The following MPP7 variants were observed in gnomAD, a reference collection of about 807,000 sequenced individuals.
The protein encoded by MPP7 is MAGUK p55 subfamily member 7.
A neutral mutation model predicts 76.5 loss-of-function variants in MPP7; 60 were observed. The observed-to-expected ratio is 0.78, with a 90% CI of 0.64 to 0.97. MPP7 has a LOEUF of 0.97. MPP7 is among the 50% of genes least tolerant of loss of function. The pLI is 0.00. For missense variants in MPP7, 641 were observed against 694.0 expected, an observed-to-expected ratio of 0.92 and a Z score of 0.86; for synonymous variants, 237 against 244.5, an observed-to-expected ratio of 0.97 and a Z score of 0.29.
intron 2 of MPP7, among the ~76,000 whole-genome samples, chr10:28,226,613 A>C (rs1238536771): frequency 6.6e-6 from 1 of 152,204 alleles, no homozygotes; most frequent in Non-Finnish European, 1.5e-5. Flanking sequence ...GGAAGCAGAT[A>C]GTGGTGATGA....
chr10:28,136,350 G>A (rs944405432), intron 5 of MPP7, among the ~76,000 whole-genome samples: 1 of 152,014 alleles, frequency 6.6e-6, no homozygotes, highest in Non-Finnish European at 1.5e-5. Context: ...GTTGGAGAAG[G>A]TTGATCCAAA....
intron 5 of MPP7, among the ~76,000 whole-genome samples, chr10:28,146,655 T>G (rs901062330): frequency 6.6e-6 from 1 of 152,170 alleles, no homozygotes; most frequent in Non-Finnish European, 1.5e-5. Context: ...TCAAAAAAAG[T>G]AGAAACTAGT....
chr10:28,136,610 T>C (rs1196357437), intron 5 of MPP7, among the ~76,000 whole-genome samples: 1 of 152,136 alleles, frequency 6.6e-6, no homozygotes, highest in East Asian at 1.9e-4. Flanking sequence ...TTTAACTGTA[T>C]TTCAAATGCT....
intron 2 of MPP7, among the ~76,000 whole-genome samples, chr10:28,313,898 G>C (rs1043756568): frequency 8.4e-6 from 1 of 119,430 alleles, no homozygotes; most frequent in African/African-American, 3.3e-5. Context: ...TAGAGACAGG[G>C]TTTTGCCATG....
At chr10:28,109,689 C>A (rs1834434577) in intron 11 of MPP7, among the ~76,000 whole-genome samples, 1 of 151,364 alleles carries the variant, frequency 6.6e-6, no homozygotes, top group Non-Finnish European at 1.5e-5. Context: ...TCGAGGAAAG[C>A]AACAGAAAGA....
intron 3 of MPP7, among the ~76,000 whole-genome samples, chr10:28,186,220 C>T (rs2997209): frequency 0.48 from 73,581 of 151,766 alleles, 20,563 homozygotes; most frequent in Middle Eastern, 0.72. Context: ...GTGGCAGGCG[C>T]CTGTAGTCCC....
intron 12 of MPP7, among the ~76,000 whole-genome samples, chr10:28,079,573 G>A (rs535913929): frequency 2.6e-5 from 4 of 152,230 alleles, no homozygotes; most frequent in South Asian, 2.1e-4. Context: ...GCCTAGAAGC[G>A]CACCCAAAAC....
intron 13 of MPP7, among the ~76,000 whole-genome samples, chr10:28,060,986 C>A (rs1220880948): frequency 6.6e-6 from 1 of 152,154 alleles, no homozygotes; most frequent in Non-Finnish European, 1.5e-5. Flanking sequence ...CTAATCCTTG[C>A]ATCCTAACAG....
At chr10:28,189,216 G>A (rs922396218) in intron 3 of MPP7, among the ~76,000 whole-genome samples, 11 of 152,096 alleles carry the variant, frequency 7.2e-5, no homozygotes, top group African/African-American at 2.4e-4. Flanking sequence ...AGGGAATTGA[G>A]AATACTCTGT....
At chr10:28,066,038 C>T (rs930902470) in intron 13 of MPP7, among the ~76,000 whole-genome samples, 2 of 152,062 alleles carry the variant, frequency 1.3e-5, no homozygotes, top group Admixed American at 1.3e-4. Flanking sequence ...ACCTATACAG[C>T]CTTAAAACAA....
intron 2 of MPP7, among the ~76,000 whole-genome samples, chr10:28,210,825 G>A (rs1838107804): frequency 6.6e-6 from 1 of 152,150 alleles, no homozygotes; most frequent in South Asian, 2.1e-4. Context: ...CTCACTCTGT[G>A]AGCCGGTTCA....
At chr10:28,093,717 G>A (rs1264878341) in intron 11 of MPP7, among the ~76,000 whole-genome samples, 1 of 152,146 alleles carries the variant, frequency 6.6e-6, no homozygotes, top group Non-Finnish European at 1.5e-5. Flanking sequence ...AAAGTGCTGG[G>A]ATTACAGGCA....
At chr10:28,267,960 T>C (rs544873649) in intron 1 of MPP7, among the ~76,000 whole-genome samples, 2 of 151,764 alleles carry the variant, frequency 1.3e-5, no homozygotes, top group Non-Finnish European at 2.9e-5. Flanking sequence ...AGCTGGGACG[T>C]GGGAAGTCGA....
chr10:28,141,762 G>T (rs1160149606), intron 5 of MPP7, among the ~76,000 whole-genome samples: 5 of 151,130 alleles, frequency 3.3e-5, no homozygotes, highest in Non-Finnish European at 5.9e-5. Context: ...CATCCCAATG[G>T]TTTTTTTTTA....
At chr10:28,234,294 T>G (rs537067430) in intron 2 of MPP7, among the ~76,000 whole-genome samples, 4 of 152,180 alleles carry the variant, frequency 2.6e-5, no homozygotes, top group Non-Finnish European at 5.9e-5. Context: ...AAAGTAGTCA[T>G]GGCTTATAAC....
At chr10:28,315,689 A>G (rs1024850122) in intron 2 of MPP7, among the ~76,000 whole-genome samples, 1 of 152,160 alleles carries the variant, frequency 6.6e-6, no homozygotes, top group Admixed American at 6.5e-5. Context: ...ATTTTAAATC[A>G]TTTATGTAAA....
At chr10:28,079,986 G>A (rs949500040) in intron 12 of MPP7, among the ~76,000 whole-genome samples, 1 of 150,326 alleles carries the variant, frequency 6.7e-6, no homozygotes, top group African/African-American at 2.5e-5. Context: ...GCCAGGTGTG[G>A]TGCGGGGTGC....
In MPP7 at chr10:28,297,353, A is replaced by G. The variant is rs373853831; in HGVS notation, c.-132+5508T>C. Reference sequence around the variant, plus strand: ...CCTTGATGTTGATGGCTGCTGACTGAACAAGGTGCTGGCTGCTGAAAGATG... The same window carrying G: ...CCTTGATGTTGATGGCTGCTGACTGGACAAGGTGCTGGCTGCTGAAAGATG... On this transcript the variant is annotated intron_variant, in intron 1 of 16. Transcript: ENST00000683449. Among the ~76,000 whole-genome samples the G allele has an allele frequency of 3.2e-4, 49 of 152,300 alleles. 1 individual carries two copies. In the Middle Eastern group the frequency reaches 0.014, roughly 42 times the overall value.
In MPP7 at chr10:28,300,644, C is replaced by T. The variant is rs76802962; in HGVS notation, c.-132+2217G>A. On this transcript the variant is annotated intron_variant, in intron 1 of 16. Transcript: ENST00000683449. ...GTATTAGCCACAAAACAAGAGATAA[C>T]TTCATGATTAGAACAGTTACATTCA... is the stretch of plus-strand genomic sequence containing the variant. Among the ~76,000 whole-genome samples the T allele has an allele frequency of 6.1e-3, 928 of 152,182 alleles. 11 individuals are homozygous for T. Among genetic ancestry groups the T allele is most frequent in the Middle Eastern group, 0.017 (5 of 294 alleles).
Sources: gnomAD v4.1 joint callset for allele counts (sites outside exome capture counted in the v4.1 genomes callset) on GRCh38, gnomAD v4.1.1 for gene constraint, MANE v1.5 for transcripts, NCBI Gene and HGNC (gene_info 2026-07-23, HGNC 2026-07-21) for gene names.